CDC42SE2: variants seen among roughly 807,000 people sequenced by gnomAD.
CDC42SE2 encodes CDC42 small effector 2, also known as CDC42 small effector protein 2.
CDC42SE2 carries 3 observed loss-of-function variants against 11.5 expected under a neutral mutation model. That is an observed-to-expected ratio of 0.26 (90% CI 0.12 to 0.67). The LOEUF is 0.67. CDC42SE2 is among the 30% of genes least tolerant of loss of function. The probability of loss-of-function intolerance (pLI) is 0.80; values close to 1 mark genes in which losing one functional copy is unlikely to be tolerated. For synonymous variants in CDC42SE2, 33 were observed against 34.8 expected (o/e 0.95, Z 0.18); for missense variants, 82 against 106.8 (o/e 0.77, Z 1.02).
At chr5:131,332,282 A>G (rs868350385) in intron 2 of CDC42SE2, among the ~76,000 whole-genome samples, 13 of 152,278 alleles carry the variant, frequency 8.5e-5, no homozygotes, top group African/African-American at 2.6e-4. Context: ...CCATGTCCCT[A>G]CAAAGGACAT....
chr5:131,297,157 C>CTTT (rs5871416), intron 1 of CDC42SE2, among the ~76,000 whole-genome samples: 1 of 136,574 alleles, frequency 7.3e-6, no homozygotes, highest in Non-Finnish European at 1.6e-5. Context: ...ACTTTATATT[C>CTTT]TTTTTTTTTT....
intron 3 of CDC42SE2, among the ~76,000 whole-genome samples, chr5:131,385,333 C>G (rs1750449023): frequency 6.6e-6 from 1 of 152,164 alleles, no homozygotes; most frequent in African/African-American, 2.4e-5. Flanking sequence ...CTATTAAGCT[C>G]TAAATAATAA....
chr5:131,336,688 C>T (rs1358526943), intron 2 of CDC42SE2, among the ~76,000 whole-genome samples: 1 of 152,096 alleles, frequency 6.6e-6, no homozygotes, highest in Non-Finnish European at 1.5e-5. Flanking sequence ...TCTTTTTTCT[C>T]TAAACTTCTC....
intron 1 of CDC42SE2, among the ~76,000 whole-genome samples, chr5:131,294,427 A>G (rs547460363): frequency 4.6e-5 from 7 of 152,284 alleles, no homozygotes; most frequent in Non-Finnish European, 8.8e-5. Context: ...TTGAATAAAT[A>G]CTGCGCACTA....
At chr5:131,382,712 A>C (rs1750360524) in intron 3 of CDC42SE2, among the ~76,000 whole-genome samples, 2 of 152,178 alleles carry the variant, frequency 1.3e-5, no homozygotes, top group South Asian at 4.1e-4. Context: ...TGTCCTGCAG[A>C]TGCCACTGTC....
the CDC42SE2 span, among the ~76,000 whole-genome samples, chr5:131,212,445 T>C: frequency 2.6e-5 from 4 of 152,134 alleles, no homozygotes; most frequent in African/African-American, 7.2e-5. Context: ...GTGATTTTTT[T>C]CCCCTACCCA....
intron 4 of CDC42SE2, among the ~76,000 whole-genome samples, chr5:131,389,130 C>A (rs774514652): frequency 3.9e-5 from 6 of 152,148 alleles, no homozygotes; most frequent in Non-Finnish European, 7.3e-5. Flanking sequence ...GCCACTGTAC[C>A]TGGTCATAAA....
chr5:131,303,280 CTTT>C (rs1757719130), intron 1 of CDC42SE2, among the ~76,000 whole-genome samples: 1 of 152,130 alleles, frequency 6.6e-6, no homozygotes, highest in Admixed American at 6.5e-5. Flanking sequence ...ATCTGTATTT[CTTT>C]GAGAAGAAGA....
chr5:131,339,652 C>T (rs937007480), intron 2 of CDC42SE2, among the ~76,000 whole-genome samples: 1 of 151,670 alleles, frequency 6.6e-6, no homozygotes, highest in Non-Finnish European at 1.5e-5. Flanking sequence ...ACTAAAAATA[C>T]AAAAATTAAC....
chr5:131,313,536 G>C (rs931096779), intron 1 of CDC42SE2, among the ~76,000 whole-genome samples: 1 of 152,120 alleles, frequency 6.6e-6, no homozygotes, highest in South Asian at 2.1e-4. Context: ...CATGCGGTAT[G>C]AATATTCAGT....
At chr5:131,361,215 C>T (rs1223618348) in intron 3 of CDC42SE2, among the ~76,000 whole-genome samples, 1 of 151,580 alleles carries the variant, frequency 6.6e-6, no homozygotes, top group Non-Finnish European at 1.5e-5. Flanking sequence ...GAATTCTCTT[C>T]AATATATGAT....
intron 3 of CDC42SE2, among the ~76,000 whole-genome samples, chr5:131,371,635 G>A (rs1193227987): frequency 3.3e-5 from 5 of 152,136 alleles, no homozygotes; most frequent in South Asian, 2.1e-4. Flanking sequence ...GCGTGCATGC[G>A]GATTTGGAAA....
At chr5:131,287,242 G>A (rs1195716256) in intron 1 of CDC42SE2, among the ~76,000 whole-genome samples, 2 of 152,108 alleles carry the variant, frequency 1.3e-5, no homozygotes, top group Admixed American at 6.5e-5. Flanking sequence ...TAATCCACCC[G>A]CCTTGGCCTC....
At chr5:131,323,189 G>A (rs556059758) in intron 2 of CDC42SE2, among the ~76,000 whole-genome samples, 5 of 147,508 alleles carry the variant, frequency 3.4e-5, no homozygotes, top group East Asian at 3.9e-4. Flanking sequence ...ACCACACCTG[G>A]CTTTTTTTTT....
At chr5:131,269,413 A>G (rs1341990473) in intron 1 of CDC42SE2, among the ~76,000 whole-genome samples, 1 of 152,138 alleles carries the variant, frequency 6.6e-6, no homozygotes, top group Non-Finnish European at 1.5e-5. Flanking sequence ...ACCCACTTAG[A>G]AACTCATGCT....
At chr5:131,307,401 A>C (rs1308046868) in intron 1 of CDC42SE2, among the ~76,000 whole-genome samples, 3 of 151,942 alleles carry the variant, frequency 2.0e-5, no homozygotes, top group Non-Finnish European at 4.4e-5. Flanking sequence ...TGAACTCATC[A>C]TTTTTTATGG....
intron 4 of CDC42SE2, among the ~76,000 whole-genome samples, chr5:131,387,004 G>C (rs771438294): frequency 6.6e-6 from 1 of 152,224 alleles, no homozygotes; most frequent in Non-Finnish European, 1.5e-5. Flanking sequence ...TTTTAAATCC[G>C]TAGGAAAAGT....
At chr5:131,330,529 T>C (rs925222230) in intron 2 of CDC42SE2, among the ~76,000 whole-genome samples, 1 of 152,190 alleles carries the variant, frequency 6.6e-6, no homozygotes, top group Non-Finnish European at 1.5e-5. Context: ...TTCACTTTTA[T>C]AATAATATTT....
the CDC42SE2 span, among the ~76,000 whole-genome samples, chr5:131,236,437 ATTTTTTTGAGACGGAGTCTTGC>A: frequency 6.6e-6 from 1 of 151,718 alleles, no homozygotes; most frequent in African/African-American, 2.4e-5. Flanking sequence ...TATTATTATT[ATTTTTTTGAGACGGAGTCTTGC>A]TCTGTCGCCC....
Sources: allele counts gnomAD v4.1 joint callset (sites outside exome capture counted in the v4.1 genomes callset), GRCh38; gene constraint gnomAD v4.1.1; transcripts MANE v1.5; gene names NCBI Gene and HGNC (gene_info 2026-07-23, HGNC 2026-07-21).